KHDRBS1: variants seen among roughly 807,000 people sequenced by gnomAD.
KHDRBS1 encodes the protein KH domain-containing, RNA-binding, signal transduction-associated protein 1.
Under a neutral mutation model 48.4 loss-of-function variants are expected in KHDRBS1, and 7 were observed. The ratio of observed to expected loss-of-function variants is 0.14; its 90% CI spans 0.08 to 0.27. The LOEUF is 0.27. Ranked by LOEUF, KHDRBS1 falls within the 10% of genes least tolerant of loss-of-function variation. The pLI is 1.00. For synonymous variants in KHDRBS1, 241 were observed against 235.8 expected, an observed-to-expected ratio of 1.02 and a Z score of -0.20; for missense variants, 458 against 601.2, an observed-to-expected ratio of 0.76 and a Z score of 2.49.
In KHDRBS1 at chr1:32,037,816, A is replaced by T. The variant is rs775311819; in HGVS notation, c.906-19A>T. 2.5e-6 allele frequency: 4 copies of T among 1,608,142 alleles called. No individual in the cohort carries two copies. In the East Asian group the frequency reaches 6.7e-5, roughly 27 times the overall value. ...CTGTTTATAAAAAGCTCCATTTAAG[A>T]TAAACTTTCATTTTGTAGGGGCCGT... is the stretch of plus-strand genomic sequence containing the variant. On this transcript the variant is annotated intron_variant, in intron 5 of 8. Transcript: ENST00000327300.
intron 10 of KHDRBS1, among the ~76,000 whole-genome samples, chr1:32,049,042 TG>T (rs1639387021): frequency 1.3e-5 from 2 of 151,116 alleles, no homozygotes; most frequent in African/African-American, 4.9e-5. Flanking sequence ...GCTTCCTTTT[TG>T]TTTTTTTTTT....
intron 5 of KHDRBS1, among the ~76,000 whole-genome samples, chr1:32,037,425 T>C (rs928421053): frequency 4.7e-5 from 7 of 149,904 alleles, no homozygotes; most frequent in African/African-American, 1.7e-4. Flanking sequence ...GCCTGGGAGA[T>C]AGAGCAAGAC....
intron 1 of KHDRBS1, among the ~76,000 whole-genome samples, chr1:32,014,828 G>A (rs1466395408): frequency 6.6e-6 from 1 of 152,236 alleles, no homozygotes; most frequent in Non-Finnish European, 1.5e-5. Context: ...TGGGAGGAAG[G>A]GCCGAGGTGA....
At chr1:32,020,236 A>C (rs1490044107) in intron 1 of KHDRBS1, among the ~76,000 whole-genome samples, 1 of 152,112 alleles carries the variant, frequency 6.6e-6, no homozygotes, top group East Asian at 1.9e-4. Context: ...TTTAAAAATT[A>C]GCTGAGAATG....
rs1249548083 is a variant in KHDRBS1, at chr1:32,030,282, T to C, written c.383-16T>C. 6.3e-7 allele frequency: 1 copy of C among 1,597,010 alleles called. No individual in the cohort carries two copies. The highest frequency in any genetic ancestry group is 2.2e-5 in the East Asian group (1 of 44,464). On this transcript the variant is annotated splice_polypyrimidine_tract_variant and intron_variant, in intron 1 of 8. Transcript: ENST00000327300. ...TTTATTTACCAGGGCAAAAATAAAT[T>C]GTTTTTCCTATTCAGAAATTGAGAA...
At chr1:32,049,259 T>C (rs191346205) in intron 10 of KHDRBS1, among the ~76,000 whole-genome samples, 1 of 152,200 alleles carries the variant, frequency 6.6e-6, no homozygotes, top group African/African-American at 2.4e-5. Context: ...TTTCACCGTG[T>C]TGGCCAGGCT....
chr1:32,026,485 T>TA (rs1442505915), intron 1 of KHDRBS1, among the ~76,000 whole-genome samples: 1 of 152,112 alleles, frequency 6.6e-6, no homozygotes, highest in Non-Finnish European at 1.5e-5. Flanking sequence ...AGTTGTGAAA[T>TA]AATTGGACAG....
At chr1:32,051,962 TAGTA>T (rs2124399555) in intron 10 of KHDRBS1, among the ~76,000 whole-genome samples, 1 of 152,352 alleles carries the variant, frequency 6.6e-6, no homozygotes. Flanking sequence ...GCAGTACTAC[TAGTA>T]AGTAGTCATT....
At chr1:32,027,044 C>T (rs1184571708) in intron 1 of KHDRBS1, among the ~76,000 whole-genome samples, 1 of 152,234 alleles carries the variant, frequency 6.6e-6, no homozygotes, top group Non-Finnish European at 1.5e-5. Flanking sequence ...ATCCGCCCAC[C>T]TCAGCCTCCC....
intron 1 of KHDRBS1, among the ~76,000 whole-genome samples, chr1:32,029,479 G>T: frequency 6.6e-6 from 1 of 152,140 alleles, no homozygotes; most frequent in East Asian, 1.9e-4. Flanking sequence ...CCAACATGGA[G>T]AAAACCCTTC....
At chr1:32,014,460 C>T (rs1451476897) in intron 1 of KHDRBS1, 83 bp downstream of exon 1, 4 of 1,227,944 alleles carry the variant, frequency 3.3e-6, no homozygotes, top group Admixed American at 4.1e-5. Context: ...TCGCTTCCCG[C>T]CCCCTCGGGA....
intron 3 of KHDRBS1, among the ~76,000 whole-genome samples, chr1:32,032,138 T>C (rs1639092400): frequency 1.3e-5 from 2 of 152,162 alleles, no homozygotes; most frequent in South Asian, 4.1e-4. Context: ...CCATGAGTAA[T>C]CCTGACTACA....
intron 5 of KHDRBS1, 68 bp downstream of exon 5, chr1:32,037,111 T>C: frequency 6.5e-7 from 1 of 1,528,306 alleles, no homozygotes; most frequent in Non-Finnish European, 8.9e-7. Context: ...CTTTTAGTGG[T>C]GCTCTTATGT....
chr1:32,034,573 A>G (rs916167996), intron 4 of KHDRBS1, among the ~76,000 whole-genome samples: 3 of 152,160 alleles, frequency 2.0e-5, no homozygotes, highest in Admixed American at 2.0e-4. Context: ...AAAAAAATAA[A>G]TAAATAAGTT....
chr1:32,017,200 G>A (rs898203607), intron 1 of KHDRBS1, among the ~76,000 whole-genome samples: 3 of 151,842 alleles, frequency 2.0e-5, no homozygotes, highest in African/African-American at 7.3e-5. Context: ...GGAGGTTACA[G>A]TGAGCCCAGA....
At chr1:32,046,151 T>C (rs1375362065), downstream of KHDRBS1, among the ~76,000 whole-genome samples, 1 of 152,084 alleles carries the variant, frequency 6.6e-6, no homozygotes, top group Non-Finnish European at 1.5e-5. Flanking sequence ...CTTAATCCTA[T>C]ACTATACTGT....
chr1:32,014,347 T>C lies in KHDRBS1; in HGVS notation c.352T>C (p.Phe118Leu). Residue 118 changes from phenylalanine to leucine, a missense_variant, in exon 1 of 9, where the codon TTC (phenylalanine) becomes CTC (leucine). Physicochemically the swap from Phe to Leu is conservative, Grantham distance 22. This residue lies in a region of KHDRBS1 where 213 missense variants were observed against 215.6 expected (regional missense o/e 0.99). Transcript: ENST00000327300. ...MAEKDSLDPS[F>L]THAMQLLTAE... ...CGAGAAGGACTCGCTCGACCCGTCC[T>C]TCACTCACGCCATGCAGCTGCTGAC... 1 of 1,526,204 alleles carries C rather than the reference T, an allele frequency of 6.6e-7. No individual in the cohort carries two copies. Among genetic ancestry groups the C allele is most frequent in the Non-Finnish European group, 8.9e-7 (1 of 1,129,774 alleles). 94.5% of individuals were successfully genotyped at this position (1,526,204 alleles called of 1,614,324 possible). A position where few individuals can be genotyped will look rare whatever the true frequency, so the allele number is the denominator to read the frequency against.
intron 4 of KHDRBS1, among the ~76,000 whole-genome samples, chr1:32,036,664 G>GA (rs2124383475): frequency 6.6e-6 from 1 of 152,230 alleles, no homozygotes; most frequent in East Asian, 1.9e-4. Flanking sequence ...TATATATAGA[G>GA]AGAGAATGGA....
intron 1 of KHDRBS1, among the ~76,000 whole-genome samples, chr1:32,028,489 T>TAC (rs1435186951): frequency 6.7e-6 from 1 of 148,214 alleles, no homozygotes; most frequent in East Asian, 2.0e-4. Flanking sequence ...TATATATATA[T>TAC]ACTATATATA....
Sources: allele counts gnomAD v4.1 joint callset (sites outside exome capture counted in the v4.1 genomes callset), GRCh38; gene constraint gnomAD v4.1.1; regional missense constraint gnomAD v4.1.1; transcripts MANE v1.5; gene names NCBI Gene and HGNC (gene_info 2026-07-23, HGNC 2026-07-21).